Variants in PSD3 observed in about 807,000 individuals in gnomAD.
PSD3 encodes the protein PH and SEC7 domain-containing protein 3.
A neutral mutation model predicts 105.5 loss-of-function variants in PSD3; 49 were observed. That is an observed-to-expected ratio of 0.46 (90% CI 0.37 to 0.59). PSD3 has a LOEUF of 0.59. Ranked by LOEUF, PSD3 falls within the 20% of genes least tolerant of loss-of-function variation. The probability of loss-of-function intolerance (pLI) is 0.00; values close to 1 mark genes in which losing one functional copy is unlikely to be tolerated. For synonymous variants in PSD3, 557 were observed against 457.8 expected, an observed-to-expected ratio of 1.22 and a Z score of -2.77; for missense variants, 1,561 against 1,263.8, an observed-to-expected ratio of 1.24 and a Z score of -3.57.
chr8:18,878,881 T>A lies in PSD3; in HGVS notation c.131-6148A>T, dbSNP rs569144178. On this transcript the variant is annotated intron_variant, in intron 2 of 15. Transcript: ENST00000327040. ...CCATCATGAAGTGTTTTAAGAAAATTGACCATAGTGACTGCTGAAGCTGTA... is the reference window on the plus strand; with the variant it reads ...CCATCATGAAGTGTTTTAAGAAAATAGACCATAGTGACTGCTGAAGCTGTA... Among the ~76,000 whole-genome samples the A allele has an allele frequency of 6.3e-4, 96 of 152,192 alleles. 1 individual carries two copies. The highest frequency in any genetic ancestry group is 1.0e-4 in the Non-Finnish European group (7 of 68,000).
intron 9 of PSD3, among the ~76,000 whole-genome samples, chr8:18,674,374 A>G (rs1799956879): frequency 6.6e-6 from 1 of 152,084 alleles, no homozygotes; most frequent in Admixed American, 6.6e-5. Context: ...TTTTCTGTGG[A>G]ACTTAAATAG....
chr8:18,564,789 T>A (rs1801628500), intron 14 of PSD3, among the ~76,000 whole-genome samples: 1 of 152,074 alleles, frequency 6.6e-6, no homozygotes, highest in African/African-American at 2.4e-5. Context: ...CTCACCTGGC[T>A]CTGAGCACCA....
At chr8:18,910,214 A>G (rs1414253587) in intron 2 of PSD3, among the ~76,000 whole-genome samples, 1 of 150,554 alleles carries the variant, frequency 6.6e-6, no homozygotes, top group Non-Finnish European at 1.5e-5. Context: ...ACTATTCACA[A>G]TAGCAAAGAC....
intron 10 of PSD3, among the ~76,000 whole-genome samples, chr8:18,634,337 A>T (rs184433933): frequency 6.6e-6 from 1 of 152,182 alleles, no homozygotes; most frequent in African/African-American, 2.4e-5. Context: ...GAAGAAATGG[A>T]TATTTTACTT....
At chr8:18,930,962 A>T (rs1821712199) in intron 2 of PSD3, among the ~76,000 whole-genome samples, 1 of 152,200 alleles carries the variant, frequency 6.6e-6, no homozygotes, top group South Asian at 2.1e-4. Flanking sequence ...CAATATGGCC[A>T]GTCTTTTTAA....
intron 9 of PSD3, among the ~76,000 whole-genome samples, chr8:18,758,853 A>G (rs1222180865): frequency 6.6e-6 from 1 of 152,154 alleles, no homozygotes; most frequent in Non-Finnish European, 1.5e-5. Flanking sequence ...GGTATCCTAC[A>G]TATTCTTGGA....
At chr8:18,879,817 C>T (rs188865406) in intron 2 of PSD3, among the ~76,000 whole-genome samples, 1 of 120,390 alleles carries the variant, frequency 8.3e-6, no homozygotes, top group Non-Finnish European at 1.7e-5. Context: ...AGACTGGTCT[C>T]GAACTCCTGG....
At chr8:18,682,051 T>G (rs1403990436) in intron 9 of PSD3, among the ~76,000 whole-genome samples, 1 of 150,950 alleles carries the variant, frequency 6.6e-6, no homozygotes, top group Non-Finnish European at 1.5e-5. Flanking sequence ...CAGATACATA[T>G]CAAGTAAAAG....
chr8:18,684,787 G>C (rs569664255), intron 9 of PSD3, among the ~76,000 whole-genome samples: 1 of 152,270 alleles, frequency 6.6e-6, no homozygotes, highest in South Asian at 2.1e-4. Context: ...CACAGAGTGA[G>C]AGCAATAAAG....
intron 4 of PSD3, among the ~76,000 whole-genome samples, chr8:18,818,858 T>C (rs968666782): frequency 1.3e-5 from 2 of 151,960 alleles, no homozygotes; most frequent in African/African-American, 4.8e-5. Context: ...TAAATTTAAA[T>C]AGGAATCCCC....
chr8:18,954,822 G>A (rs539414351), intron 1 of PSD3, among the ~76,000 whole-genome samples: 2 of 152,208 alleles, frequency 1.3e-5, no homozygotes, highest in South Asian at 4.2e-4. Flanking sequence ...GACGGTTCAA[G>A]GACCACACAC....
At chr8:18,837,279 G>A (rs1052015728) in intron 4 of PSD3, among the ~76,000 whole-genome samples, 1 of 152,094 alleles carries the variant, frequency 6.6e-6, no homozygotes, top group Non-Finnish European at 1.5e-5. Context: ...GTAGACCAGG[G>A]GCCAGCTCTC....
intron 9 of PSD3, among the ~76,000 whole-genome samples, chr8:18,745,152 A>G (rs1804904402): frequency 6.6e-6 from 1 of 152,232 alleles, no homozygotes; most frequent in Admixed American, 6.5e-5. Context: ...TTGTAAAGTT[A>G]GTATTTTCCC....
chr8:18,968,824 C>T (rs187535088), intron 1 of PSD3, among the ~76,000 whole-genome samples: 199 of 143,120 alleles, frequency 1.4e-3, no homozygotes, highest in African/African-American at 4.8e-3. Flanking sequence ...TGCAGTGAGC[C>T]GAGATCGCGC....
intron 4 of PSD3, among the ~76,000 whole-genome samples, chr8:18,831,408 C>G (rs1192239470): frequency 6.6e-6 from 1 of 152,160 alleles, no homozygotes; most frequent in Non-Finnish European, 1.5e-5. Context: ...TTCCAGTTCT[C>G]CAAGGTCAAC....
chr8:18,602,655 A>T (rs1179412834), intron 11 of PSD3, among the ~76,000 whole-genome samples: 9 of 152,028 alleles, frequency 5.9e-5, no homozygotes, highest in Non-Finnish European at 1.2e-4. Flanking sequence ...GGTACTATTG[A>T]TACTTCCATC....
At chr8:19,050,553 G>A (rs573177969) in intron 1 of PSD3, among the ~76,000 whole-genome samples, 2 of 152,206 alleles carry the variant, frequency 1.3e-5, no homozygotes, top group African/African-American at 4.8e-5. Flanking sequence ...GGATGAAATT[G>A]GAAATCATCA....
intron 2 of PSD3, among the ~76,000 whole-genome samples, chr8:18,876,456 G>A (rs542640227): frequency 9.2e-5 from 14 of 152,072 alleles, no homozygotes; most frequent in Non-Finnish European, 2.1e-4. Flanking sequence ...GGACGATCAT[G>A]GCTCACTGCA....
chr8:18,792,378 G>A (rs1321564847), intron 8 of PSD3, among the ~76,000 whole-genome samples: 8 of 152,206 alleles, frequency 5.3e-5, no homozygotes, highest in African/African-American at 1.4e-4. Flanking sequence ...ATGCCATGCA[G>A]CCACAAAAAG....
Sources: allele counts gnomAD v4.1 joint callset (sites outside exome capture counted in the v4.1 genomes callset), GRCh38; gene constraint gnomAD v4.1.1; transcripts MANE v1.5; gene names NCBI Gene and HGNC (gene_info 2026-07-23, HGNC 2026-07-21).